FILIP1L: variants seen among roughly 807,000 people sequenced by gnomAD.
FILIP1L encodes the protein filamin A-interacting protein 1-like.
In FILIP1L, 55 loss-of-function variants were observed where a neutral mutation model predicts 96.6. The observed-to-expected ratio is 0.57, with a 90% CI of 0.46 to 0.71. The LOEUF (loss-of-function observed/expected upper bound fraction) is 0.71. Ranked by LOEUF, FILIP1L falls within the 30% of genes least tolerant of loss-of-function variation. The pLI is 0.00. For synonymous variants in FILIP1L, 467 were observed against 473.9 expected (o/e 0.99, Z 0.19); for missense variants, 1,304 against 1,321.2 (o/e 0.99, Z 0.20).
intron 4 of FILIP1L, among the ~76,000 whole-genome samples, chr3:99,907,919 C>T (rs1706673570): frequency 6.6e-6 from 1 of 152,114 alleles, no homozygotes; most frequent in Non-Finnish European, 1.5e-5. Context: ...CAGTGCCTGG[C>T]ACATGGAAGG....
chr3:99,838,177 A>G (rs1942976387), intron 5 of FILIP1L, among the ~76,000 whole-genome samples: 1 of 152,212 alleles, frequency 6.6e-6, no homozygotes, highest in Non-Finnish European at 1.5e-5. Context: ...TGTTCTGAGA[A>G]CAGTCTCCTA....
At chr3:100,026,205 C>T (rs766037393) in intron 1 of FILIP1L, among the ~76,000 whole-genome samples, 7 of 151,980 alleles carry the variant, frequency 4.6e-5, no homozygotes, top group Non-Finnish European at 8.8e-5. Flanking sequence ...CTTTTTATGG[C>T]CTGTTTTAAA....
At chr3:99,997,400 A>G (rs1709714890) in intron 1 of FILIP1L, among the ~76,000 whole-genome samples, 1 of 152,226 alleles carries the variant, frequency 6.6e-6, no homozygotes, top group South Asian at 2.1e-4. Flanking sequence ...TCACAAGTGT[A>G]TTATTGGGAA....
At chr3:100,045,481 A>AT (rs397938246) in intron 1 of FILIP1L, among the ~76,000 whole-genome samples, 2,436 of 150,446 alleles carry the variant, frequency 0.016, 65 homozygotes, top group African/African-American at 0.056. Context: ...CTGTGTTAGA[A>AT]TTTTTTTTTT....
intron 1 of FILIP1L, among the ~76,000 whole-genome samples, chr3:100,030,297 C>G (rs1280129912): frequency 6.6e-6 from 1 of 152,088 alleles, no homozygotes; most frequent in Non-Finnish European, 1.5e-5. Context: ...GGATCTATGC[C>G]ACCAGAAGTC....
chr3:99,851,002 A>G lies in FILIP1L; in HGVS notation c.674T>C (p.Val225Ala). Residue 225 changes from valine to alanine, a missense_variant, in exon 5 of 6, where the codon GTC becomes GCC. By Grantham distance (64) the Val-to-Ala change is moderately conservative. Coordinates refer to ENST00000477258, the MANE Select transcript of FILIP1L (RefSeq NM_001387850.1). ...GGTCAGCTCCTCTTTCAGGGTGGTG[A>G]CCCTTTTCTCCTTTTCTTGCTCCTT... ...EEKEQEKEKR[V>A]TTLKEELTKL... 1 of 1,612,958 alleles carries G rather than the reference A, an allele frequency of 6.2e-7. No individual in the cohort carries two copies. The highest frequency in any genetic ancestry group is 8.5e-7 in the Non-Finnish European group (1 of 1,179,790).
intron 1 of FILIP1L, among the ~76,000 whole-genome samples, chr3:100,034,462 G>C (rs2065073513): frequency 6.6e-6 from 1 of 152,148 alleles, no homozygotes; most frequent in Admixed American, 6.5e-5. Context: ...TGCACTTTTT[G>C]AATCAACATT....
At chr3:99,877,038 A>G (rs1705558161) in intron 4 of FILIP1L, among the ~76,000 whole-genome samples, 1 of 152,224 alleles carries the variant, frequency 6.6e-6, no homozygotes, top group African/African-American at 2.4e-5. Context: ...TTGAATTAAG[A>G]ATATTATCCT....
chr3:99,952,585 C>G (rs1237442194), intron 1 of FILIP1L, among the ~76,000 whole-genome samples: 2 of 152,132 alleles, frequency 1.3e-5, no homozygotes, highest in African/African-American at 2.4e-5. Context: ...TGCTAGAAAA[C>G]ACTATGCTTT....
In FILIP1L at chr3:99,930,796, G is replaced by A. The variant is rs750785968; in HGVS notation, c.225C>T (p.Leu75=). The change falls in exon 2 of 6, where the codon CTC becomes CTT. Residue 75 remains leucine, a synonymous_variant. Coordinates refer to ENST00000477258, the MANE Select transcript of FILIP1L (RefSeq NM_001387850.1). ...EDLSRDDLLF[L]LSILEGELQA... is the part of the protein sequence containing the mutation. ...GCAGTTCTCCCTCCAGAATGCTGAG[G>A]AGAAATAACAGGTCATCTCTTGAGA... The A allele has an allele frequency of 3.1e-6, 5 of 1,613,072 alleles. No homozygotes were observed. Among genetic ancestry groups the A allele is most frequent in the Non-Finnish European group, 4.2e-6 (5 of 1,179,822 alleles).
chr3:100,098,907 G>A (rs2066258201), intron 1 of FILIP1L, among the ~76,000 whole-genome samples: 1 of 152,200 alleles, frequency 6.6e-6, no homozygotes, highest in South Asian at 2.1e-4. Context: ...CCTGGAACTA[G>A]ATACTTCTCA....
At chr3:99,891,244 G>C (rs1706073649) in intron 4 of FILIP1L, among the ~76,000 whole-genome samples, 1 of 151,978 alleles carries the variant, frequency 6.6e-6, no homozygotes, top group Non-Finnish European at 1.5e-5. Flanking sequence ...TTTCGTCTGG[G>C]TAATGTGGGT....
At chr3:100,064,633 G>T (rs1306555523) in intron 1 of FILIP1L, among the ~76,000 whole-genome samples, 1 of 152,170 alleles carries the variant, frequency 6.6e-6, no homozygotes, top group Non-Finnish European at 1.5e-5. Context: ...ACTGGCAAAA[G>T]GGCTTGGAAA....
intron 1 of FILIP1L, among the ~76,000 whole-genome samples, chr3:100,021,952 TGTGTGTGTGAGAGAGAGA>T (rs1361257457): frequency 1.9e-3 from 216 of 111,506 alleles, no homozygotes; most frequent in Admixed American, 9.3e-3. Context: ...TGTGTGTGTG[TGTGTGTGTGAGAGAGAGA>T]GAGAGAGAGA....
rs141296627 is a variant in FILIP1L, at chr3:99,995,245, C to T, written c.-10-64215G>A. Reference sequence around the variant, plus strand: ...GAAATTGGCCAAAACAAAGGGGCTACGGGGCCCATGCAAGTCTGAAATTCA... The same window carrying T: ...GAAATTGGCCAAAACAAAGGGGCTATGGGGCCCATGCAAGTCTGAAATTCA... On this transcript the variant is annotated intron_variant, in intron 1 of 5. Coordinates refer to ENST00000477258, the MANE Select transcript of FILIP1L (RefSeq NM_001387850.1). 1.1e-4 allele frequency among the ~76,000 whole-genome samples: 16 copies of T among 152,248 alleles called. No individual in the cohort carries two copies. The East Asian group carries it at 1.9e-3, about 18-fold the overall frequency.
chr3:100,108,157 G>T (rs1002912396), intron 1 of FILIP1L, among the ~76,000 whole-genome samples: 3 of 152,066 alleles, frequency 2.0e-5, no homozygotes, highest in African/African-American at 4.8e-5. Context: ...GACATTTCTA[G>T]CCCATGGCTT....
intron 1 of FILIP1L, among the ~76,000 whole-genome samples, chr3:99,987,315 G>A (rs1046064632): frequency 6.6e-6 from 1 of 151,770 alleles, no homozygotes; most frequent in Non-Finnish European, 1.5e-5. Flanking sequence ...GATCATTTGA[G>A]GTCAGGAGTT....
At chr3:99,911,099 G>A (rs1423863164) in intron 4 of FILIP1L, among the ~76,000 whole-genome samples, 2 of 152,090 alleles carry the variant, frequency 1.3e-5, no homozygotes, top group Non-Finnish European at 2.9e-5. Context: ...GGATTAGGTA[G>A]CGCATTACAC....
chr3:100,111,982 A>G (rs1209292855), intron 1 of FILIP1L, among the ~76,000 whole-genome samples: 1 of 152,184 alleles, frequency 6.6e-6, no homozygotes, highest in African/African-American at 2.4e-5. Context: ...GCATCTGGAG[A>G]CCATGTTTGC....
Sources: allele counts gnomAD v4.1 joint callset (sites outside exome capture counted in the v4.1 genomes callset), GRCh38; gene constraint gnomAD v4.1.1; transcripts MANE v1.5; gene names NCBI Gene and HGNC (gene_info 2026-07-23, HGNC 2026-07-21).